SNX18: variants seen among roughly 807,000 people sequenced by gnomAD.
SNX18 encodes the protein sorting nexin-18.
Under a neutral mutation model 48.7 loss-of-function variants are expected in SNX18, and 35 were observed. The observed-to-expected ratio is 0.72, with a 90% CI of 0.55 to 0.95. The LOEUF is 0.95. Ranked by LOEUF, SNX18 falls within the 40% of genes least tolerant of loss-of-function variation. The pLI is 0.00. For synonymous variants in SNX18, 492 were observed against 384.7 expected (o/e 1.28, Z -3.26); for missense variants, 824 against 871.0 (o/e 0.95, Z 0.68).
the SNX18 span, chr5:54,645,723 C>T: frequency 0.68 from 103,711 of 152,106 alleles, 35,465 homozygotes; most frequent in East Asian, 0.72. Flanking sequence ...ATTTGGACAC[C>T]GAATAGAGAG....
chr5:54,616,749 A>T, the SNX18 span, among the ~76,000 whole-genome samples: 5 of 151,950 alleles, frequency 3.3e-5, no homozygotes, highest in African/African-American at 7.2e-5. Flanking sequence ...AGCCTGGATG[A>T]CAGAGCAAGA....
the SNX18 span, among the ~76,000 whole-genome samples, chr5:54,572,403 G>A: frequency 6.6e-6 from 1 of 152,038 alleles, no homozygotes; most frequent in African/African-American, 2.4e-5. Context: ...TGGGGCACCC[G>A]AATCAATGGC....
At chr5:54,614,979 A>G in the SNX18 span, among the ~76,000 whole-genome samples, 1 of 152,196 alleles carries the variant, frequency 6.6e-6, no homozygotes, top group East Asian at 1.9e-4. Flanking sequence ...TGAGGATCAG[A>G]GAGATTAAGA....
At chr5:54,566,863 T>C in the SNX18 span, among the ~76,000 whole-genome samples, 3 of 152,208 alleles carry the variant, frequency 2.0e-5, no homozygotes, top group Admixed American at 1.3e-4. Context: ...TCCAGCACAA[T>C]TGGTCTCACC....
At chr5:54,555,373 CCTTT>C in the SNX18 span, among the ~76,000 whole-genome samples, 1 of 150,998 alleles carries the variant, frequency 6.6e-6, no homozygotes, top group Non-Finnish European at 1.5e-5. Flanking sequence ...ACCCGGCATA[CCTTT>C]CTTTTTTTTT....
chr5:54,565,586 C>G, the SNX18 span, among the ~76,000 whole-genome samples: 1 of 151,926 alleles, frequency 6.6e-6, no homozygotes, highest in East Asian at 1.9e-4. Flanking sequence ...AAAAAAAGTA[C>G]AGTAAATATT....
the SNX18 span, among the ~76,000 whole-genome samples, chr5:54,634,784 T>A: frequency 3.3e-5 from 5 of 152,146 alleles, no homozygotes; most frequent in African/African-American, 9.7e-5. Flanking sequence ...GAAAGACATA[T>A]AATACATTTA....
chr5:54,568,430 C>T, the SNX18 span, among the ~76,000 whole-genome samples: 110 of 152,312 alleles, frequency 7.2e-4, no homozygotes, highest in Middle Eastern at 0.017. Flanking sequence ...AAGGATGCAA[C>T]GGCACCCTGG....
the SNX18 span, among the ~76,000 whole-genome samples, chr5:54,593,898 C>T: frequency 6.6e-6 from 1 of 152,104 alleles, no homozygotes; most frequent in Non-Finnish European, 1.5e-5. Context: ...GGATCATAGA[C>T]CTAATGATAA....
At chr5:54,644,416 C>T in the SNX18 span, 1 of 152,204 alleles carries the variant, frequency 6.6e-6, no homozygotes, top group Admixed American at 6.5e-5. Context: ...CCAGAGGTTA[C>T]TAACCACGGG....
chr5:54,554,114 T>C, the SNX18 span, among the ~76,000 whole-genome samples: 3 of 152,246 alleles, frequency 2.0e-5, no homozygotes, highest in Admixed American at 1.3e-4. Context: ...AGGCTTGTAT[T>C]GAACCTTTCT....
chr5:54,601,777 A>T, the SNX18 span, among the ~76,000 whole-genome samples: 17 of 152,088 alleles, frequency 1.1e-4, no homozygotes, highest in Admixed American at 8.5e-4. Context: ...TCACTGTTGC[A>T]TCACGTGAAC....
At chr5:54,583,563 T>G in the SNX18 span, among the ~76,000 whole-genome samples, 10 of 152,222 alleles carry the variant, frequency 6.6e-5, no homozygotes, top group African/African-American at 2.4e-4. Flanking sequence ...TGGGCCCAGA[T>G]TTTACTTTTC....
chr5:54,578,482 C>A, the SNX18 span, among the ~76,000 whole-genome samples: 1 of 152,204 alleles, frequency 6.6e-6, no homozygotes, highest in African/African-American at 2.4e-5. Flanking sequence ...CTGGGGTCAG[C>A]CCATGACGAG....
chr5:54,565,735 A>T, the SNX18 span, among the ~76,000 whole-genome samples: 1 of 152,152 alleles, frequency 6.6e-6, no homozygotes, highest in Admixed American at 6.5e-5. Flanking sequence ...ATCAGTAGGG[A>T]CTTGAATTTG....
At chr5:54,641,297 T>C in the SNX18 span, among the ~76,000 whole-genome samples, 5 of 152,222 alleles carry the variant, frequency 3.3e-5, no homozygotes, top group African/African-American at 1.2e-4. Flanking sequence ...GATGTTGTAT[T>C]ATTACATATT....
the SNX18 span, among the ~76,000 whole-genome samples, chr5:54,585,301 A>G: frequency 1.3e-5 from 2 of 151,954 alleles, no homozygotes; most frequent in African/African-American, 4.8e-5. Context: ...CAAAAAGAAA[A>G]AAAAAAAAAA....
chr5:54,573,943 A>G, the SNX18 span, among the ~76,000 whole-genome samples: 4 of 152,218 alleles, frequency 2.6e-5, no homozygotes, highest in African/African-American at 4.8e-5. Context: ...AAGGTGGCCC[A>G]TATCCACTTA....
chr5:54,567,230 C>A, the SNX18 span, among the ~76,000 whole-genome samples: 1 of 149,958 alleles, frequency 6.7e-6, no homozygotes, highest in Non-Finnish European at 1.5e-5. Context: ...TGTGTGTGTG[C>A]GTGTGTGTGT....
Sources: allele counts gnomAD v4.1 joint callset (sites outside exome capture counted in the v4.1 genomes callset), GRCh38; gene constraint gnomAD v4.1.1; transcripts MANE v1.5; gene names NCBI Gene and HGNC (gene_info 2026-07-23, HGNC 2026-07-21).